The following SAXO1 variants were observed in gnomAD, a reference collection of about 807,000 sequenced individuals.
SAXO1 encodes the protein stabilizer of axonemal microtubules 1.
SAXO1 carries 21 observed loss-of-function variants against 17.5 expected under a neutral mutation model. The observed-to-expected ratio is 1.20, with a 90% CI of 0.85 to 1.72. The LOEUF is 1.72. SAXO1 is among the 40% of genes most tolerant of loss of function. The pLI, the probability that SAXO1 is intolerant of heterozygous loss-of-function variation, is 0.00. For missense variants in SAXO1, 843 were observed against 596.0 expected, an observed-to-expected ratio of 1.41 and a Z score of -4.32; for synonymous variants, 274 against 216.5, an observed-to-expected ratio of 1.27 and a Z score of -2.33.
chr9:18,985,437 A>T (rs1379400603), intron 1 of SAXO1, among the ~76,000 whole-genome samples: 1 of 152,260 alleles, frequency 6.6e-6, no homozygotes, highest in Non-Finnish European at 1.5e-5. Context: ...AGTGCGATAA[A>T]GCAAAGCACA....
At chr9:18,976,370 C>T (rs910609205) in intron 1 of SAXO1, among the ~76,000 whole-genome samples, 5 of 152,184 alleles carry the variant, frequency 3.3e-5, no homozygotes, top group African/African-American at 1.2e-4. Context: ...AGAGCTCTTG[C>T]TACAAGCACA....
rs931516309 is a variant in SAXO1 at position 19,013,434 on chromosome 9, G to C, written c.38+19437C>G. ...CTTACCTTTTTCCATGATGGCTATA[G>C]ATAGAACACATCCTGTCTCAGGGCA... On this transcript the variant is annotated intron_variant, in intron 1 of 3. Transcript: ENST00000380534. 2.0e-5 allele frequency among the ~76,000 whole-genome samples: 3 copies of C among 151,668 alleles called. No individual in the cohort carries two copies. In the East Asian group the frequency reaches 5.8e-4, roughly 29 times the overall value.
chr9:18,941,221 G>A (rs916302779), intron 3 of SAXO1, among the ~76,000 whole-genome samples: 1 of 152,118 alleles, frequency 6.6e-6, no homozygotes, highest in African/African-American at 2.4e-5. Context: ...GGGGTTGGCA[G>A]ATATTTTGTA....
chr9:18,977,906 G>C (rs982848327), intron 1 of SAXO1, among the ~76,000 whole-genome samples: 1 of 147,858 alleles, frequency 6.8e-6, no homozygotes, highest in Non-Finnish European at 1.5e-5. Flanking sequence ...TGAGGTGGGA[G>C]AATCACTTGA....
chr9:18,937,210 C>G (rs935129005), intron 3 of SAXO1, among the ~76,000 whole-genome samples: 4 of 152,220 alleles, frequency 2.6e-5, no homozygotes, highest in Non-Finnish European at 5.9e-5. Flanking sequence ...TTATTAAGGA[C>G]TGACCCAACC....
rs550178626 is a variant in SAXO1, at chr9:19,027,502, A to G, written c.38+5369T>C. The G allele has an allele frequency of 7.7e-5, 66 of 860,010 alleles. No individual in the cohort carries two copies. The African/African-American group carries it at 9.1e-4, about 12-fold the overall frequency. The allele number at this position is 860,010 out of a possible 1,614,324, so 53.3% of individuals were successfully genotyped here. ...TGAGAACTTGCGGATCCAACATCCAAAAGGGGTGCTGGCCCCCAGGGACGG... is the reference window on the plus strand; with the variant it reads ...TGAGAACTTGCGGATCCAACATCCAGAAGGGGTGCTGGCCCCCAGGGACGG... On this transcript the variant is annotated intron_variant, in intron 1 of 3. Transcript: ENST00000380534.
At chr9:18,941,311 TAA>T (rs34888749) in intron 3 of SAXO1, among the ~76,000 whole-genome samples, 4 of 151,312 alleles carry the variant, frequency 2.6e-5, no homozygotes, top group Admixed American at 1.3e-4. Flanking sequence ...GCTACTATGC[TAA>T]AAAAAAAAGT....
At chr9:18,982,504 C>T (rs537690522) in intron 1 of SAXO1, among the ~76,000 whole-genome samples, 1 of 152,296 alleles carries the variant, frequency 6.6e-6, no homozygotes, top group South Asian at 2.1e-4. Context: ...ACAAGAGCTG[C>T]TGCCTCCAGG....
At chr9:18,945,713 C>T (rs1040219780) in intron 2 of SAXO1, among the ~76,000 whole-genome samples, 1 of 152,198 alleles carries the variant, frequency 6.6e-6, no homozygotes. Context: ...AGTCCCTCAA[C>T]TCCCACTAAG....
chr9:19,027,860 C>A lies in SAXO1; in HGVS notation c.38+5011G>T. On this transcript the variant is annotated intron_variant, in intron 1 of 3. Coordinates refer to ENST00000380534, the MANE Select transcript of SAXO1 (RefSeq NM_153707.4). ...GGTGGACATCCTGGACCCCGCCCTG[C>A]TACGCTAGGGCGGCCTGGACCGCAA... 6 of 1,366,950 alleles carry A rather than the reference C, an allele frequency of 4.4e-6. No individual in the cohort carries two copies. In the South Asian group the frequency reaches 4.9e-5, roughly 11 times the overall value. 84.7% of individuals were successfully genotyped at this position (1,366,950 alleles called of 1,614,324 possible).
intron 1 of SAXO1, among the ~76,000 whole-genome samples, chr9:19,019,672 A>G (rs1289468138): frequency 1.3e-5 from 2 of 152,084 alleles, no homozygotes; most frequent in East Asian, 1.9e-4. Context: ...AGAGGTTGCA[A>G]TGAGCCCAGA....
chr9:19,029,091 G>A (rs1298754368), intron 1 of SAXO1, among the ~76,000 whole-genome samples: 1 of 152,168 alleles, frequency 6.6e-6, no homozygotes, highest in African/African-American at 2.4e-5. Flanking sequence ...CCCATTGGTG[G>A]CTTTTCCTCA....
intron 1 of SAXO1, among the ~76,000 whole-genome samples, chr9:18,983,201 C>T (rs540127498): frequency 6.6e-6 from 1 of 152,290 alleles, no homozygotes; most frequent in South Asian, 2.1e-4. Flanking sequence ...ACACACAGTT[C>T]TGCAATGGCT....
intron 1 of SAXO1, among the ~76,000 whole-genome samples, chr9:19,044,837 C>T (rs540824558): frequency 1.3e-5 from 2 of 150,854 alleles, no homozygotes; most frequent in East Asian, 2.0e-4. Flanking sequence ...CACTCCAGCC[C>T]GGGTGAGAGT....
chr9:19,033,560 G>T (rs1835855797), upstream of SAXO1, among the ~76,000 whole-genome samples: 1 of 152,226 alleles, frequency 6.6e-6, no homozygotes, highest in South Asian at 2.1e-4. Context: ...CTTGAACAGG[G>T]TTTCCAGATC....
At chr9:19,048,503 C>T (rs1836274918) in intron 1 of SAXO1, among the ~76,000 whole-genome samples, 1 of 152,090 alleles carries the variant, frequency 6.6e-6, no homozygotes, top group Non-Finnish European at 1.5e-5. Flanking sequence ...GCTTCAGTAT[C>T]CTGATGACTC....
At chr9:19,027,657 C>T (rs976545944) in intron 1 of SAXO1, 6 of 1,383,886 alleles carry the variant, frequency 4.3e-6, no homozygotes, top group Non-Finnish European at 6.2e-6. Context: ...TTCGCCCTGG[C>T]CAAGGAGAAA....
At chr9:18,948,409 C>G (rs1390858241) in intron 2 of SAXO1, among the ~76,000 whole-genome samples, 2 of 152,156 alleles carry the variant, frequency 1.3e-5, no homozygotes, top group Non-Finnish European at 2.9e-5. Context: ...GCCACTTTTT[C>G]TTTTTAAGGC....
intron 3 of SAXO1, among the ~76,000 whole-genome samples, chr9:18,937,126 A>AC (rs1460867833): frequency 1.3e-5 from 2 of 152,242 alleles, no homozygotes; most frequent in African/African-American, 4.8e-5. Flanking sequence ...GCAAATTTTC[A>AC]CAAGACACAA....
Sources: allele counts gnomAD v4.1 joint callset (sites outside exome capture counted in the v4.1 genomes callset), GRCh38; gene constraint gnomAD v4.1.1; transcripts MANE v1.5; gene names NCBI Gene and HGNC (gene_info 2026-07-23, HGNC 2026-07-21).